LAMB4: variants seen among roughly 807,000 people sequenced by gnomAD.
LAMB4 encodes laminin subunit beta 4, also known as laminin subunit beta-4.
A neutral mutation model predicts 199.2 loss-of-function variants in LAMB4; 196 were observed. The observed-to-expected ratio is 0.98, with a 90% confidence interval of 0.88 to 1.11. The LOEUF (loss-of-function observed/expected upper bound fraction) is 1.11, where lower values mean the gene tolerates loss of function less well. Ranked by LOEUF, LAMB4 falls within the 50% of genes least tolerant of loss-of-function variation. The probability of loss-of-function intolerance (pLI) is 0.00; values close to 1 mark genes in which losing one functional copy is unlikely to be tolerated. For missense variants in LAMB4, 2,080 were observed against 2,171.2 expected (o/e 0.96, Z 0.83); for synonymous variants, 744 against 770.6 (o/e 0.97, Z 0.57).
chr7:108,046,528 A>T lies in LAMB4; in HGVS notation c.4326+1380T>A, dbSNP rs962647613. 7.8e-4 allele frequency among the ~76,000 whole-genome samples: 119 copies of T among 152,232 alleles called. 1 individual carries two copies. Among genetic ancestry groups the T allele is most frequent in the Non-Finnish European group, 3.2e-4 (22 of 68,014 alleles). ...TTGCGTATTGTCAAAAAAGAAACAG[A>T]TTGGGGAGCACACCACTATCCTGTT... On this transcript the variant is annotated intron_variant, in intron 28 of 33. Transcript: ENST00000388781.
intron 28 of LAMB4, among the ~76,000 whole-genome samples, chr7:108,047,173 C>A (rs2035655332): frequency 6.6e-6 from 1 of 152,050 alleles, no homozygotes; most frequent in African/African-American, 2.4e-5. Context: ...ATCTTGAATT[C>A]TTTCTCTCTC....
In LAMB4 at chr7:108,076,991, G is replaced by T. The variant is rs746002204; in HGVS notation, c.2077C>A (p.Pro693Thr). The change falls in exon 17 of 34, where the codon CCT (proline) becomes ACT (threonine). Residue 693 changes from proline (P) to threonine (T), a missense_variant. Transcript: ENST00000388781. Reference protein sequence around the residue: ...QYSIDVYFSQPLQGESHAHSH... With the variant: ...QYSIDVYFSQTLQGESHAHSH... ...TGAGCGTGGGACTCTCCTTGCAAAG[G>T]CTGAGAAAAATAGACATCTATGGAA... 3.7e-6 allele frequency: 6 copies of T among 1,613,918 alleles called. No homozygotes were observed. The East Asian group carries it at 6.7e-5, about 18-fold the overall frequency.
chr7:108,081,571 G>T (rs773919778), intron 14 of LAMB4, among the ~76,000 whole-genome samples: 2 of 152,166 alleles, frequency 1.3e-5, no homozygotes, highest in African/African-American at 4.8e-5. Context: ...CACCTGACTT[G>T]ACATAATTAA....
chr7:108,029,558 A>C (rs961251366), intron 32 of LAMB4, among the ~76,000 whole-genome samples: 1 of 152,230 alleles, frequency 6.6e-6, no homozygotes, highest in Non-Finnish European at 1.5e-5. Flanking sequence ...CAGTTCGGTC[A>C]ATCAGTTATA....
chr7:108,104,307 G>T (rs1209784871), intron 9 of LAMB4, among the ~76,000 whole-genome samples, 192 bp downstream of exon 9: 1 of 152,222 alleles, frequency 6.6e-6, no homozygotes, highest in African/African-American at 2.4e-5. Flanking sequence ...TTAATTTGTG[G>T]TGGGAGAGTT....
chr7:108,021,875 A>T (rs1584567606), downstream of LAMB4, among the ~76,000 whole-genome samples: 1 of 152,006 alleles, frequency 6.6e-6, no homozygotes. Flanking sequence ...TAGAGGAAAA[A>T]CTCCCCTTCT....
intron 21 of LAMB4, 58 bp from the exon 22 acceptor site, chr7:108,064,043 G>A (rs1052901070): frequency 5.0e-6 from 6 of 1,204,476 alleles, no homozygotes; most frequent in Non-Finnish European, 7.4e-6. Flanking sequence ...GGAGAGAGGA[G>A]GAGATGGATG....
intron 23 of LAMB4, among the ~76,000 whole-genome samples, chr7:108,060,772 A>C (rs2036132957): frequency 6.6e-6 from 1 of 152,240 alleles, no homozygotes; most frequent in Admixed American, 6.5e-5. Context: ...TGGTCGAATG[A>C]ATGAATAAAC....
At chr7:108,124,468 A>G (rs1362276669) in intron 1 of LAMB4, among the ~76,000 whole-genome samples, 1 of 152,172 alleles carries the variant, frequency 6.6e-6, no homozygotes, top group African/African-American at 2.4e-5. Flanking sequence ...GATTGTATAT[A>G]TATACACATA....
At chr7:108,082,322 T>C (rs1252954132) in intron 14 of LAMB4, among the ~76,000 whole-genome samples, 6 of 114,986 alleles carry the variant, frequency 5.2e-5, no homozygotes. Context: ...AGAGCGAGAC[T>C]CCGTCTTAAA....
intron 29 of LAMB4, among the ~76,000 whole-genome samples, chr7:108,043,545 G>GTGTTTTTTTTTTTTT (rs2035496985): frequency 3.6e-5 from 2 of 56,000 alleles, no homozygotes; most frequent in African/African-American, 2.9e-4. Context: ...TGGCTATGAT[G>GTGTTTTTTTTTTTTT]TTTTTTTTTT....
downstream of LAMB4, among the ~76,000 whole-genome samples, chr7:108,021,493 T>G (rs530216618): frequency 6.6e-6 from 1 of 152,292 alleles, no homozygotes; most frequent in Non-Finnish European, 1.5e-5. Context: ...GTGGATCACC[T>G]GAGTTCGGGA....
At chr7:108,015,565 A>T in the LAMB4 span, among the ~76,000 whole-genome samples, 1 of 152,162 alleles carries the variant, frequency 6.6e-6, no homozygotes, top group Non-Finnish European at 1.5e-5. Flanking sequence ...TATATCATAT[A>T]CAACTAGTGT....
chr7:108,031,010 A>C (rs373048730), intron 31 of LAMB4, 31 bp from the exon 32 acceptor site: 2 of 1,594,916 alleles, frequency 1.3e-6, no homozygotes, highest in Non-Finnish European at 1.7e-6. Context: ...AAAAAGGGAA[A>C]ATCTCTTTAT....
chr7:108,064,774 G>A (rs745462950), intron 21 of LAMB4, among the ~76,000 whole-genome samples: 18 of 152,062 alleles, frequency 1.2e-4, no homozygotes, highest in Admixed American at 3.3e-4. Flanking sequence ...GTAATTTATC[G>A]TGATGGTAAT....
chr7:108,058,650 T>C (rs1455441813), intron 23 of LAMB4, among the ~76,000 whole-genome samples: 1 of 152,076 alleles, frequency 6.6e-6, no homozygotes, highest in Non-Finnish European at 1.5e-5. Context: ...GCCACTTTTC[T>C]TTCCTTTTCT....
intron 4 of LAMB4, among the ~76,000 whole-genome samples, chr7:108,109,599 A>G (rs1339188372): frequency 6.6e-6 from 1 of 152,238 alleles, no homozygotes; most frequent in Non-Finnish European, 1.5e-5. Flanking sequence ...ACACATAAAC[A>G]TGAGCTAGCT....
chr7:108,070,386 C>G (rs1037902946), intron 17 of LAMB4, among the ~76,000 whole-genome samples: 2 of 152,190 alleles, frequency 1.3e-5, no homozygotes, highest in African/African-American at 4.8e-5. Context: ...GGTGGCATCA[C>G]AACCCTAGAT....
At chr7:108,055,140 T>C (rs951747531) in intron 25 of LAMB4, among the ~76,000 whole-genome samples, 2 of 152,034 alleles carry the variant, frequency 1.3e-5, no homozygotes, top group African/African-American at 4.8e-5. Context: ...AAATCACATA[T>C]AATCCTAACT....
Sources: allele counts gnomAD v4.1 joint callset (sites outside exome capture counted in the v4.1 genomes callset), GRCh38; gene constraint gnomAD v4.1.1; transcripts MANE v1.5; gene names NCBI Gene and HGNC (gene_info 2026-07-23, HGNC 2026-07-21).